The following DSCAML1 variants were observed in gnomAD, a reference collection of about 807,000 sequenced individuals.
The protein encoded by DSCAML1 is DS cell adhesion molecule like 1.
A neutral mutation model predicts 200.5 loss-of-function variants in DSCAML1; 38 were observed. The observed-to-expected ratio is 0.19, with a 90% CI of 0.15 to 0.25. DSCAML1 has a LOEUF of 0.25. Among genes scored for constraint, DSCAML1 ranks in the 10% least tolerant of loss-of-function variants. The pLI, the probability that DSCAML1 is intolerant of heterozygous loss-of-function variation, is 1.00. For synonymous variants in DSCAML1, 1,215 were observed against 1,165.0 expected (o/e 1.04, Z -0.87); for missense variants, 2,223 against 2,858.8 (o/e 0.78, Z 5.07).
rs375677675 is a variant in DSCAML1 at position 117,428,726 on chromosome 11, C to T, written c.5764G>A (p.Val1922Met). The change falls in exon 33 of 33, where the codon GTG becomes ATG. Residue 1922 changes from valine (V) to methionine (M), a missense_variant. Physicochemically the swap from Val to Met is conservative, Grantham distance 21. Transcript: ENST00000651296. ...RKADGREPCP[V>M]VPPREASIRN... ...ATGGAGGCCTCACGGGGTGGGACCA[C>T]GGGGCAGGGCTCACGTCCATCTGCC... 6.0e-5 allele frequency: 97 copies of T among 1,612,964 alleles called. No homozygotes were observed. Among genetic ancestry groups the T allele is most frequent in the African/African-American group, 2.0e-4 (15 of 74,882 alleles).
chr11:117,677,550 G>A (rs1029136449), intron 3 of DSCAML1, among the ~76,000 whole-genome samples: 6 of 152,056 alleles, frequency 3.9e-5, no homozygotes, highest in African/African-American at 1.4e-4. Flanking sequence ...TGGCTGCGGG[G>A]CAGGGGCTGG....
chr11:117,689,547 G>A (rs145344294), intron 3 of DSCAML1, among the ~76,000 whole-genome samples: 81 of 152,330 alleles, frequency 5.3e-4, no homozygotes, highest in Middle Eastern at 6.8e-3. Flanking sequence ...TGGAAGGCAG[G>A]GATGAGGTCA....
At chr11:117,624,122 C>T (rs1441139818) in intron 3 of DSCAML1, among the ~76,000 whole-genome samples, 1 of 152,128 alleles carries the variant, frequency 6.6e-6, no homozygotes, top group Non-Finnish European at 1.5e-5. Context: ...TTCTTTTTAC[C>T]ATTTGTTGGT....
chr11:117,487,980 G>A (rs574198984), intron 11 of DSCAML1, among the ~76,000 whole-genome samples: 11 of 152,294 alleles, frequency 7.2e-5, no homozygotes, highest in Middle Eastern at 3.4e-3. Context: ...GGGGGTGCCC[G>A]GGTCTCAGGA....
intron 3 of DSCAML1, among the ~76,000 whole-genome samples, chr11:117,633,516 G>A (rs1591344361): frequency 1.3e-5 from 2 of 152,174 alleles, no homozygotes; most frequent in Admixed American, 6.5e-5. Context: ...CGCGTGGCAG[G>A]TTTTCACGCA....
chr11:117,796,860 TCTCA>T, intron 1 of DSCAML1, among the ~76,000 whole-genome samples, 170 bp downstream of exon 1: 1 of 152,106 alleles, frequency 6.6e-6, no homozygotes, highest in South Asian at 2.1e-4. Context: ...GGGGGCTGAC[TCTCA>T]CTCGGCCCCT....
chr11:117,548,112 G>A (rs1053565642), intron 3 of DSCAML1, among the ~76,000 whole-genome samples: 3 of 152,232 alleles, frequency 2.0e-5, no homozygotes, highest in African/African-American at 7.2e-5. Context: ...TTGAGGGCAG[G>A]TGTGGATCCC....
At chr11:117,770,766 G>A (rs894041031) in intron 3 of DSCAML1, among the ~76,000 whole-genome samples, 3 of 152,276 alleles carry the variant, frequency 2.0e-5, no homozygotes, top group East Asian at 1.9e-4. Context: ...CCCTTGGAGT[G>A]GGTTAATCTG....
intron 3 of DSCAML1, among the ~76,000 whole-genome samples, chr11:117,595,059 TACACACACACACAC>T (rs374932790): frequency 7.0e-6 from 1 of 143,816 alleles, no homozygotes; most frequent in Non-Finnish European, 1.5e-5. Context: ...GTCTTTCTCT[TACACACACACACAC>T]ACACACACAC....
At chr11:117,728,878 C>T (rs1235306306) in intron 3 of DSCAML1, among the ~76,000 whole-genome samples, 1 of 152,206 alleles carries the variant, frequency 6.6e-6, no homozygotes, top group Non-Finnish European at 1.5e-5. Context: ...TTGGCCTACA[C>T]AGTCCCTAGC....
At chr11:117,601,870 T>G (rs1397938948) in intron 3 of DSCAML1, among the ~76,000 whole-genome samples, 8 of 152,226 alleles carry the variant, frequency 5.3e-5, no homozygotes, top group Admixed American at 6.5e-5. Context: ...TAGAGCCATG[T>G]TGGGACCCGA....
intron 1 of DSCAML1, among the ~76,000 whole-genome samples, chr11:117,812,399 T>G (rs1352395580): frequency 6.6e-6 from 1 of 152,176 alleles, no homozygotes; most frequent in Admixed American, 6.5e-5. Flanking sequence ...TACAAGTTAG[T>G]TCAGGATCTA....
chr11:117,485,430 G>A (rs934592698), intron 11 of DSCAML1, among the ~76,000 whole-genome samples: 1 of 152,240 alleles, frequency 6.6e-6, no homozygotes, highest in African/African-American at 2.4e-5. Context: ...CTCAGGGCTA[G>A]TTCAGGGGAG....
At chr11:117,579,796 T>C (rs949494127) in intron 3 of DSCAML1, among the ~76,000 whole-genome samples, 2 of 152,232 alleles carry the variant, frequency 1.3e-5, no homozygotes, top group Admixed American at 1.3e-4. Flanking sequence ...GCTTAATAAA[T>C]ATTTATCAAA....
intron 3 of DSCAML1, among the ~76,000 whole-genome samples, chr11:117,771,940 A>G (rs546343708): frequency 6.6e-6 from 1 of 152,244 alleles, no homozygotes; most frequent in East Asian, 1.9e-4. Flanking sequence ...GGATAAAAAG[A>G]TGAAAGATAC....
chr11:117,735,137 C>T lies in DSCAML1; in HGVS notation c.511+41654G>A, dbSNP rs574909454. ...AAAGGGCAGATGGACTGTCTTACCCCGTAGCATCCCCCTTCCCAAAAGCTC... is the reference window on the plus strand; with the variant it reads ...AAAGGGCAGATGGACTGTCTTACCCTGTAGCATCCCCCTTCCCAAAAGCTC... On this transcript the variant is annotated intron_variant, in intron 3 of 32. Transcript: ENST00000651296. 1.6e-4 allele frequency among the ~76,000 whole-genome samples: 25 copies of T among 152,312 alleles called. No homozygotes were observed. In the South Asian group the frequency reaches 2.5e-3, roughly 15 times the overall value.
chr11:117,484,416 C>G (rs116628407), intron 11 of DSCAML1, among the ~76,000 whole-genome samples: 3,610 of 152,260 alleles, frequency 0.024, 135 homozygotes, highest in African/African-American at 0.082. Flanking sequence ...TCCAGGCCCC[C>G]GCACCAGCCT....
intron 3 of DSCAML1, among the ~76,000 whole-genome samples, chr11:117,621,692 C>T (rs2137551068): frequency 6.6e-6 from 1 of 152,330 alleles, no homozygotes; most frequent in Admixed American, 6.5e-5. Context: ...GCTGGGTTCT[C>T]TCATGAATTG....
Position 117,431,040 on chromosome 11 carries a change from A to G in DSCAML1, c.5375-7T>C, listed in dbSNP as rs1448850949. ...ATGCTGTTCCTTCCTTTGTCTGGGG[A>G]GTTAAGAGGAAAGGGGTGGGTTACG... On this transcript the variant is annotated splice_region_variant and splice_polypyrimidine_tract_variant and intron_variant, in intron 31 of 32. Transcript: ENST00000651296. The G allele has an allele frequency of 1.0e-5, 16 of 1,604,748 alleles. No individual in the cohort carries two copies. The highest frequency in any genetic ancestry group is 1.3e-5 in the Non-Finnish European group (15 of 1,175,088).
Sources: allele counts gnomAD v4.1 joint callset (sites outside exome capture counted in the v4.1 genomes callset), GRCh38; gene constraint gnomAD v4.1.1; transcripts MANE v1.5; gene names NCBI Gene and HGNC (gene_info 2026-07-23, HGNC 2026-07-21).